The following CFAP61 variants were observed in gnomAD, a reference collection of about 807,000 sequenced individuals.
CFAP61 encodes the protein cilia and flagella associated protein 61, also known as cilia- and flagella-associated protein 61.
A neutral mutation model predicts 135.6 loss-of-function variants in CFAP61; 107 were observed. That is an observed-to-expected ratio of 0.79 (90% CI 0.67 to 0.93). The LOEUF (loss-of-function observed/expected upper bound fraction) is 0.93. CFAP61 is among the 40% of genes least tolerant of loss of function. CFAP61 has a pLI of 0.00. For synonymous variants in CFAP61, 575 were observed against 578.5 expected, an observed-to-expected ratio of 0.99 and a Z score of 0.09; for missense variants, 1,507 against 1,556.2, an observed-to-expected ratio of 0.97 and a Z score of 0.53.
At chr20:20,119,262 G>A (rs1002282342) in intron 8 of CFAP61, among the ~76,000 whole-genome samples, 2 of 152,134 alleles carry the variant, frequency 1.3e-5, no homozygotes, top group Middle Eastern at 3.4e-3. Context: ...TTCCTTGATC[G>A]TAGACTTTTT....
At chr20:20,273,311 GGGACTAT>G (rs2053505151) in intron 21 of CFAP61, among the ~76,000 whole-genome samples, 3 of 152,088 alleles carry the variant, frequency 2.0e-5, no homozygotes, top group Admixed American at 2.0e-4. Flanking sequence ...GGTTACATTA[GGGACTAT>G]GTGGGATTTT....
At chr20:20,159,594 C>A (rs2053230213) in intron 10 of CFAP61, 150 bp downstream of exon 10, 3 of 641,908 alleles carry the variant, frequency 4.7e-6, no homozygotes, top group Non-Finnish European at 8.6e-6. Flanking sequence ...GGACTTGCTG[C>A]ACCAAGCCTC....
At chr20:20,135,534 G>A (rs1300917814) in intron 8 of CFAP61, among the ~76,000 whole-genome samples, 7 of 152,132 alleles carry the variant, frequency 4.6e-5, no homozygotes, top group Non-Finnish European at 8.8e-5. Context: ...TCCATTGTAT[G>A]TTTTTAGATT....
intron 8 of CFAP61, among the ~76,000 whole-genome samples, chr20:20,131,471 A>C (rs1191950910): frequency 6.6e-6 from 1 of 152,126 alleles, no homozygotes; most frequent in African/African-American, 2.4e-5. Flanking sequence ...TGTTCAAAGT[A>C]GTAATGTTGC....
chr20:20,147,156 A>G (rs191156294), intron 9 of CFAP61, among the ~76,000 whole-genome samples: 3 of 152,296 alleles, frequency 2.0e-5, no homozygotes, highest in Non-Finnish European at 4.4e-5. Context: ...GTTGATGGAC[A>G]CTTAGTTTGG....
intron 13 of CFAP61, among the ~76,000 whole-genome samples, chr20:20,186,757 TAA>T (rs1289105222): frequency 6.6e-6 from 1 of 152,236 alleles, no homozygotes; most frequent in Non-Finnish European, 1.5e-5. Context: ...AAGCATGTAT[TAA>T]AATTTAAGCA....
chr20:20,248,974 A>G (rs1449919252), intron 19 of CFAP61, among the ~76,000 whole-genome samples: 1 of 152,192 alleles, frequency 6.6e-6, no homozygotes, highest in Non-Finnish European at 1.5e-5. Context: ...GTCACGGTCA[A>G]GCTCACTTGA....
At chr20:20,116,379 T>C (rs951056921) in intron 8 of CFAP61, among the ~76,000 whole-genome samples, 1 of 152,192 alleles carries the variant, frequency 6.6e-6, no homozygotes, top group African/African-American at 2.4e-5. Flanking sequence ...TCCTGTGGAT[T>C]GTCTTTTCAC....
chr20:20,075,734 T>C (rs2146579091), intron 6 of CFAP61, 119 bp downstream of exon 6: 1 of 1,008,660 alleles, frequency 9.9e-7, no homozygotes, highest in Non-Finnish European at 1.5e-6. Context: ...TTTACAATAC[T>C]CATAAGCATT....
At chr20:20,245,182 C>T (rs538294418) in intron 18 of CFAP61, among the ~76,000 whole-genome samples, 115 of 152,354 alleles carry the variant, frequency 7.5e-4, no homozygotes, top group Non-Finnish European at 1.4e-3. Context: ...GTTCCAAAGT[C>T]GCTTCTGCAT....
At chr20:20,205,877 A>G (rs953423904) in intron 17 of CFAP61, among the ~76,000 whole-genome samples, 4 of 152,356 alleles carry the variant, frequency 2.6e-5, no homozygotes, top group African/African-American at 9.6e-5. Flanking sequence ...GAAGAAAAAA[A>G]TTATGATCCC....
At chr20:20,261,920 C>T (rs1254488731) in intron 20 of CFAP61, among the ~76,000 whole-genome samples, 1 of 152,054 alleles carries the variant, frequency 6.6e-6, no homozygotes, top group Non-Finnish European at 1.5e-5. Flanking sequence ...GTTTCTGTTC[C>T]CACACACATC....
chr20:20,054,399 A>G (rs1301646393), intron 1 of CFAP61, among the ~76,000 whole-genome samples: 1 of 138,844 alleles, frequency 7.2e-6, no homozygotes, highest in Non-Finnish European at 1.5e-5. Flanking sequence ...AGCTAGGGAT[A>G]TATATATATA....
intron 1 of CFAP61, among the ~76,000 whole-genome samples, chr20:20,053,449 T>C (rs2043937037): frequency 6.6e-6 from 1 of 152,202 alleles, no homozygotes; most frequent in African/African-American, 2.4e-5. Flanking sequence ...CCAAAGTTCA[T>C]AGTTTATATT....
chr20:20,327,959 C>T (rs111479570), intron 25 of CFAP61, among the ~76,000 whole-genome samples: 22 of 152,248 alleles, frequency 1.4e-4, no homozygotes, highest in Non-Finnish European at 2.8e-4. Context: ...GGTGAGCACC[C>T]ACAGTCTTGG....
rs372009780 is a variant in CFAP61 at position 20,224,585 on chromosome 20, T to C, written c.1933-3664T>C. On this transcript the variant is annotated intron_variant, in intron 17 of 26. Transcript: ENST00000245957. ...TTACTGTTGATCTCTACACTTAAAA[T>C]CATCCCTTTGTCAAGAATCACTTGA... Among the ~76,000 whole-genome samples the C allele has an allele frequency of 4.5e-4, 68 of 152,286 alleles. No homozygotes were observed. In the South Asian group the frequency reaches 8.7e-3, roughly 20 times the overall value.
intron 2 of CFAP61, among the ~76,000 whole-genome samples, chr20:20,064,403 A>G (rs2045080777): frequency 6.6e-6 from 1 of 152,126 alleles, no homozygotes; most frequent in Non-Finnish European, 1.5e-5. Flanking sequence ...GCTTCTTTTC[A>G]GCATGTCTGA....
intron 21 of CFAP61, among the ~76,000 whole-genome samples, chr20:20,267,270 T>C (rs531534974): frequency 6.6e-6 from 1 of 151,480 alleles, no homozygotes; most frequent in South Asian, 2.1e-4. Flanking sequence ...CTGGGCAGAG[T>C]CTGTGAAGGG....
At chr20:20,302,126 C>T (rs1029073166) in intron 25 of CFAP61, among the ~76,000 whole-genome samples, 6 of 152,054 alleles carry the variant, frequency 3.9e-5, no homozygotes, top group African/African-American at 1.4e-4. Context: ...ATCCAAGATG[C>T]TTTATATTAT....
Sources: allele counts gnomAD v4.1 joint callset (sites outside exome capture counted in the v4.1 genomes callset), GRCh38; gene constraint gnomAD v4.1.1; transcripts MANE v1.5; gene names NCBI Gene and HGNC (gene_info 2026-07-23, HGNC 2026-07-21).